The following HK3 variants were observed in gnomAD, a reference collection of about 807,000 sequenced individuals.
The protein encoded by HK3 is hexokinase 3, also known as hexokinase-3.
HK3 carries 93 observed loss-of-function variants against 91.0 expected under a neutral mutation model. The ratio of observed to expected loss-of-function variants is 1.02; its 90% CI spans 0.86 to 1.21. The LOEUF (loss-of-function observed/expected upper bound fraction) is 1.21. HK3 is among the 50% of genes most tolerant of loss of function. The pLI, the probability that HK3 is intolerant of heterozygous loss-of-function variation, is 0.00. For missense variants in HK3, 1,235 were observed against 1,247.4 expected, an observed-to-expected ratio of 0.99 and a Z score of 0.15; for synonymous variants, 519 against 516.9, an observed-to-expected ratio of 1.00 and a Z score of -0.06.
chr5:176,885,132 G>T lies in HK3; in HGVS notation c.1858-998C>A, dbSNP rs555369057. 4.6e-5 allele frequency among the ~76,000 whole-genome samples: 7 copies of T among 152,288 alleles called. No homozygotes were observed. The South Asian group carries it at 1.4e-3, about 32-fold the overall frequency. ...AGGTTGCTGATGACTTCCTGAGACA[G>T]GTGTCCTATGCCCTCCCCACTGGGC... On this transcript the variant is annotated intron_variant, in intron 13 of 18. Coordinates refer to ENST00000292432, the MANE Select transcript of HK3 (RefSeq NM_002115.3).
At position 176,887,572 on chromosome 5, in the gene HK3, GT is replaced by G; in HGVS notation, c.1478del (p.Asn493ThrfsTer63). 1.9e-6 allele frequency: 3 copies of G among 1,613,914 alleles called. No individual in the cohort carries two copies. Among genetic ancestry groups the G allele is most frequent in the Non-Finnish European group, 2.5e-6 (3 of 1,180,010 alleles). ...CCTGAACCGCAGCCAGTTGATCATG[GT>G]TCAACCGGAATGGGGCCAGGGTCTC... is the stretch of plus-strand genomic sequence containing the variant. ...LEETLAPFRL[N>X]HDQLAAVQAQ... is the part of the protein sequence containing the mutation. On this transcript the variant is annotated frameshift_variant, in exon 11 of 19. Coordinates refer to ENST00000292432, the MANE Select transcript of HK3 (RefSeq NM_002115.3). LOFTEE classifies it high-confidence loss of function. This position sits in a 1 kb window ranked among gnomAD's most constrained non-coding sequence, Gnocchi z 4.9.
At chr5:176,881,260 C>T (rs1758418118) in intron 18 of HK3, 42 bp downstream of exon 18, 1 of 1,613,354 alleles carries the variant, frequency 6.2e-7, no homozygotes, top group Non-Finnish European at 8.5e-7. Flanking sequence ...ACCAGCCCCA[C>T]CTGGCCACAC....
Position 176,887,057 on chromosome 5 carries a change from C to A in HK3, c.1802G>T (p.Ser601Ile). 1 of 1,614,228 alleles carries A rather than the reference C, an allele frequency of 6.2e-7. No homozygotes were observed. The highest frequency in any genetic ancestry group is 1.1e-5 in the South Asian group (1 of 91,088). Residue 601 changes from serine to isoleucine, a missense_variant, in exon 13 of 19, where the codon AGC becomes ATC. Around this residue, in one of 3 missense-constraint regions of HK3, gnomAD observed 513 missense variants for 477.4 expected, o/e 1.07. Transcript: ENST00000292432. The surrounding 1 kb of genome is among the most constrained non-coding windows in gnomAD (Gnocchi z 4.9). ...FQQKQGLSGQ[S>I]LPLGFTFSFP... is the part of the protein sequence containing the mutation. ...GGAGAAGGTAAAACCCAGTGGGAGG[C>A]TCTGCCCGCTCAGGCCCTGCTTCTG...
chr5:176,885,877 C>T (rs1758572972), intron 13 of HK3, among the ~76,000 whole-genome samples: 3 of 151,840 alleles, frequency 2.0e-5, no homozygotes, highest in Admixed American at 2.0e-4. Flanking sequence ...AGCAGAGCAG[C>T]CAAGCAGCAA....
At position 176,881,346 on chromosome 5, in the gene HK3, T is replaced by G; in HGVS notation, c.2583A>C (p.Ala861=). The G allele has an allele frequency of 6.2e-7, 1 of 1,613,980 alleles. No individual in the cohort carries two copies. Among genetic ancestry groups the G allele is most frequent in the Non-Finnish European group, 8.5e-7 (1 of 1,180,004 alleles). ...IRENRGLEEL[A]VSVGVDGTLY... ...GCGTTCCATCCACCCCCACAGACACTGCCAGCTCTTCCAGGCCCCGGTTCT... is the reference window on the plus strand; with the variant it reads ...GCGTTCCATCCACCCCCACAGACACGGCCAGCTCTTCCAGGCCCCGGTTCT... Residue 861 remains alanine, a synonymous_variant, in exon 18 of 19, where the codon GCA becomes GCC. Transcript: ENST00000292432.
chr5:176,886,967 G>A, intron 13 of HK3, 35 bp downstream of exon 13: 3 of 1,612,198 alleles, frequency 1.9e-6, no homozygotes, highest in Admixed American at 1.7e-5. Context: ...GGGGCAGGAG[G>A]CCCTTGGGAA....
intron 2 of HK3, among the ~76,000 whole-genome samples, chr5:176,892,738 C>G (rs963843147): frequency 4.6e-5 from 7 of 152,180 alleles, no homozygotes; most frequent in Non-Finnish European, 1.0e-4. Context: ...ACAACTCAGG[C>G]ACCTGGATAA....
At chr5:176,896,399 T>C (rs1240150280) in intron 1 of HK3, among the ~76,000 whole-genome samples, 1 of 152,226 alleles carries the variant, frequency 6.6e-6, no homozygotes, top group Non-Finnish European at 1.5e-5. Flanking sequence ...GAAAGGCTGA[T>C]TTCAGTCCAA....
chr5:176,885,050 T>C (rs906476456), intron 13 of HK3, among the ~76,000 whole-genome samples: 1 of 152,186 alleles, frequency 6.6e-6, no homozygotes, highest in African/African-American at 2.4e-5. Context: ...GTAAGAGCCC[T>C]GTGTGGGCTG....
rs150585907 is a variant in HK3, at chr5:176,881,955, G to A, written c.2226C>T (p.Pro742=). 6.4e-4 allele frequency: 1,038 copies of A among 1,613,598 alleles called. 1 individual carries two copies. The African/African-American group carries it at 0.01, about 16-fold the overall frequency. Reference sequence around the variant, plus strand: ...GGCCCAGCCCACACCTCTGCTTGCCGGGGTTGATGGACGCCTGGTCCACAC... The same window carrying A: ...GGCCCAGCCCACACCTCTGCTTGCCAGGGTTGATGGACGCCTGGTCCACAC... ...DASVDQASIN[P]GKQRFEKMIS... is the part of the protein sequence containing the mutation. Residue 742 remains proline (P), a synonymous_variant, in exon 16 of 19, where the codon CCC becomes CCT. Transcript: ENST00000292432.
intron 13 of HK3, among the ~76,000 whole-genome samples, chr5:176,885,668 T>C (rs939020379): frequency 4.6e-5 from 7 of 151,838 alleles, no homozygotes; most frequent in African/African-American, 1.5e-4. Flanking sequence ...GATTCACCCG[T>C]CTCAGACTCT....
chr5:176,893,606 T>C (rs1160603138), intron 2 of HK3, among the ~76,000 whole-genome samples: 1 of 152,180 alleles, frequency 6.6e-6, no homozygotes, highest in Non-Finnish European at 1.5e-5. Context: ...CTGTAATGTA[T>C]GTGGAAGTGC....
chr5:176,893,394 G>A (rs1165086242), intron 2 of HK3, among the ~76,000 whole-genome samples: 1 of 152,066 alleles, frequency 6.6e-6, no homozygotes, highest in Admixed American at 6.5e-5. Flanking sequence ...CCCTTTTTCT[G>A]GCTCTGCAGT....
At position 176,881,783 on chromosome 5, in the gene HK3, T is replaced by C. The variant is rs1319010716; in HGVS notation, c.2302A>G (p.Thr768Ala). The C allele has an allele frequency of 1.2e-6, 2 of 1,613,964 alleles. No individual in the cohort carries two copies. The highest frequency in any genetic ancestry group is 1.3e-5 in the African/African-American group (1 of 74,888). ...EIVRHILLHLTSLGVLFRGQQ... is the reference protein window; with the variant it reads ...EIVRHILLHLASLGVLFRGQQ... ...CCCCGGAAGAGAACGCCAAGGCTGG[T>C]TAAATGTAAAAGGATGTGGCGGACG... is the stretch of plus-strand genomic sequence containing the variant. Residue 768 changes from threonine (T) to alanine (A), a missense_variant, in exon 17 of 19, where the codon ACC becomes GCC. Physicochemically the swap from Thr to Ala is moderately conservative, Grantham distance 58. Coordinates refer to ENST00000292432, the MANE Select transcript of HK3 (RefSeq NM_002115.3).
Position 176,891,387 on chromosome 5 carries a change from C to T in HK3, c.259+1G>A. 1.2e-6 allele frequency: 2 copies of T among 1,612,598 alleles called. No homozygotes were observed. Among genetic ancestry groups the T allele is most frequent in the South Asian group, 2.2e-5 (2 of 90,878 alleles). On this transcript the variant is annotated splice_donor_variant, in intron 3 of 18. Transcript: ENST00000292432. LOFTEE classifies it high-confidence loss of function. ...CACGCATCTCAATCTATGATACCCA[C>T]CAGTGCCATGTGGGGTGGACCCCAC... is the stretch of plus-strand genomic sequence containing the variant.
At chr5:176,896,794 C>T (rs941562656) in intron 1 of HK3, among the ~76,000 whole-genome samples, 2 of 152,126 alleles carry the variant, frequency 1.3e-5, no homozygotes, top group East Asian at 1.9e-4. Flanking sequence ...AGTGACCTGA[C>T]CTTGGACGTC....
Position 176,891,432 on chromosome 5 carries a change from A to G in HK3, c.215T>C (p.Val72Ala). 1 of 1,613,912 alleles carries G rather than the reference A, an allele frequency of 6.2e-7. No homozygotes were observed. Among genetic ancestry groups the G allele is most frequent in the Non-Finnish European group, 8.5e-7 (1 of 1,179,944 alleles). Residue 72 changes from valine (V) to alanine (A), a missense_variant, in exon 3 of 19, where the codon GTC (valine) becomes GCC (alanine). Physicochemically the swap from Val to Ala is moderately conservative, Grantham distance 64. This residue lies in a region of HK3 where 717 missense variants were observed against 751.6 expected (regional missense o/e 0.95). Transcript: ENST00000292432. Reference protein sequence around the residue: ...LRGQASPAPAVRMLPTYVGST... With the variant: ...LRGQASPAPAARMLPTYVGST... ...CCCCACGTATGTAGGCAGCATCCGG[A>G]CCGCAGGGGCAGGGCTGGCCTGTCC...
Position 176,891,461 on chromosome 5 carries a change from C to T in HK3, c.186G>A (p.Leu62=), listed in dbSNP as rs1353005932. Reference sequence around the variant, plus strand: ...CAGGGGCAGGGCTGGCCTGTCCCCTCAGCGCCTGCTCCATGGAACCCAAGA... The same window carrying T: ...CAGGGGCAGGGCTGGCCTGTCCCCTTAGCGCCTGCTCCATGGAACCCAAGA... ...ASLLGSMEQA[L]RGQASPAPAV... is the part of the protein sequence containing the mutation. The change falls in exon 3 of 19, where the codon CTG becomes CTA. Residue 62 remains leucine, a synonymous_variant. Transcript: ENST00000292432. 7 of 1,614,166 alleles carry T rather than the reference C, an allele frequency of 4.3e-6. No individual in the cohort carries two copies. Among genetic ancestry groups the T allele is most frequent in the African/African-American group, 1.3e-5 (1 of 75,060 alleles).
intron 2 of HK3, among the ~76,000 whole-genome samples, chr5:176,895,266 G>A (rs1468249404): frequency 1.3e-5 from 2 of 150,656 alleles, no homozygotes; most frequent in African/African-American, 4.9e-5. Context: ...TAGTAGAGAC[G>A]GGGTTTCACC....
Sources: gnomAD v4.1 joint callset for allele counts (sites outside exome capture counted in the v4.1 genomes callset) on GRCh38, gnomAD v4.1.1 for gene constraint, gnomAD v4.1.1 regional missense constraint, Gnocchi (gnomAD v3.1) non-coding constraint, MANE v1.5 for transcripts, NCBI Gene and HGNC (gene_info 2026-07-23, HGNC 2026-07-21) for gene names.